NYAP2: variants seen among roughly 807,000 people sequenced by gnomAD.
The protein encoded by NYAP2 is neuronal tyrosine-phosphorylated phosphoinositide-3-kinase adapter 2.
Under a neutral mutation model 50.4 loss-of-function variants are expected in NYAP2, and 23 were observed. The ratio of observed to expected loss-of-function variants is 0.46; its 90% confidence interval spans 0.33 to 0.65. NYAP2 has a LOEUF of 0.65. Among genes scored for constraint, NYAP2 ranks in the 30% least tolerant of loss-of-function variants. The pLI, the probability that NYAP2 is intolerant of heterozygous loss-of-function variation, is 0.02. For missense variants in NYAP2, 885 were observed against 861.0 expected, an observed-to-expected ratio of 1.03 and a Z score of -0.35; for synonymous variants, 394 against 365.2, an observed-to-expected ratio of 1.08 and a Z score of -0.90.
At chr2:225,564,407 A>G (rs1574680469) in intron 4 of NYAP2, among the ~76,000 whole-genome samples, 1 of 151,934 alleles carries the variant, frequency 6.6e-6, no homozygotes, top group Non-Finnish European at 1.5e-5. Context: ...TCAGAACCAA[A>G]AAATACCAGT....
At chr2:225,645,973 T>A (rs1382216346) in intron 6 of NYAP2, among the ~76,000 whole-genome samples, 1 of 152,238 alleles carries the variant, frequency 6.6e-6, no homozygotes, top group Non-Finnish European at 1.5e-5. Flanking sequence ...ATAATTCTTT[T>A]GGTCAAGTTA....
chr2:225,512,242 T>G (rs1446489280), intron 3 of NYAP2, among the ~76,000 whole-genome samples: 1 of 152,198 alleles, frequency 6.6e-6, no homozygotes, highest in African/African-American at 2.4e-5. Flanking sequence ...ATGTAAAACT[T>G]AAGAACCTTA....
At chr2:225,417,486 A>G (rs968523245) in intron 3 of NYAP2, among the ~76,000 whole-genome samples, 1 of 152,156 alleles carries the variant, frequency 6.6e-6, no homozygotes, top group Non-Finnish European at 1.5e-5. Context: ...TCCATACTGG[A>G]ATGTAAATAT....
chr2:225,640,058 A>G (rs1432390361), intron 6 of NYAP2, among the ~76,000 whole-genome samples: 1 of 152,200 alleles, frequency 6.6e-6, no homozygotes, highest in African/African-American at 2.4e-5. Context: ...ACAGGAAGCC[A>G]TTTATGGATT....
chr2:225,499,040 A>G (rs1172377003), intron 3 of NYAP2, among the ~76,000 whole-genome samples: 1 of 151,772 alleles, frequency 6.6e-6, no homozygotes, highest in African/African-American at 2.4e-5. Context: ...AAAAATTGAT[A>G]TTTGTCAAAG....
rs147250799 is a variant in NYAP2, at chr2:225,454,808, C to T, written c.221+45707C>T. ...CCATCTGTGGAAAAAGTGTCTTCCGCGAAACCAGTCCCTGGTGCCAAAAAG... is the reference window on the plus strand; with the variant it reads ...CCATCTGTGGAAAAAGTGTCTTCCGTGAAACCAGTCCCTGGTGCCAAAAAG... On this transcript the variant is annotated intron_variant, in intron 3 of 6. Transcript: ENST00000636099. Among the ~76,000 whole-genome samples the T allele has an allele frequency of 1.8e-3, 269 of 152,188 alleles. 3 individuals carry two copies. Among genetic ancestry groups the T allele is most frequent in the African/African-American group, 6.0e-3 (251 of 41,512 alleles).
intron 4 of NYAP2, among the ~76,000 whole-genome samples, chr2:225,554,307 C>T (rs1467092582): frequency 6.7e-6 from 1 of 148,248 alleles, no homozygotes; most frequent in Non-Finnish European, 1.5e-5. Context: ...AAACTGTCAT[C>T]AGAAAACATT....
chr2:225,423,991 C>G (rs575290573), intron 3 of NYAP2, among the ~76,000 whole-genome samples: 12 of 152,056 alleles, frequency 7.9e-5, no homozygotes, highest in Non-Finnish European at 1.3e-4. Context: ...TACTTTATTT[C>G]TCATGTTGAT....
At chr2:225,404,074 T>A (rs1694902669) in intron 2 of NYAP2, among the ~76,000 whole-genome samples, 1 of 151,994 alleles carries the variant, frequency 6.6e-6, no homozygotes, top group South Asian at 2.1e-4. Flanking sequence ...CTTGGGGAAC[T>A]CAATCTTGAT....
At chr2:225,497,950 C>G (rs1306266648) in intron 3 of NYAP2, among the ~76,000 whole-genome samples, 1 of 152,082 alleles carries the variant, frequency 6.6e-6, no homozygotes, top group Non-Finnish European at 1.5e-5. Context: ...TTCACTTTAT[C>G]TCTTTACTCC....
intron 3 of NYAP2, among the ~76,000 whole-genome samples, chr2:225,482,408 C>G (rs1046184631): frequency 6.6e-6 from 1 of 152,082 alleles, no homozygotes; most frequent in African/African-American, 2.4e-5. Context: ...CAGTGTTTCC[C>G]TTAGTCTTAG....
chr2:225,604,656 A>G (rs1692754082), intron 5 of NYAP2, among the ~76,000 whole-genome samples: 1 of 151,790 alleles, frequency 6.6e-6, no homozygotes, highest in South Asian at 2.1e-4. Flanking sequence ...GAGGAAAAAA[A>G]TCAAATCTGG....
chr2:225,616,011 C>T (rs1303507107), intron 5 of NYAP2, among the ~76,000 whole-genome samples: 2 of 152,106 alleles, frequency 1.3e-5, no homozygotes, highest in Non-Finnish European at 2.9e-5. Context: ...GCTGTTTGTG[C>T]GATCTTGGGC....
intron 3 of NYAP2, among the ~76,000 whole-genome samples, chr2:225,496,080 T>C (rs552020095): frequency 2.0e-5 from 3 of 152,214 alleles, no homozygotes; most frequent in African/African-American, 7.2e-5. Context: ...GAAGACAAGA[T>C]TTACAGCAAT....
At chr2:225,477,594 T>TGGCATATTTTTTAAGTA (rs1448475708) in intron 3 of NYAP2, among the ~76,000 whole-genome samples, 2 of 152,152 alleles carry the variant, frequency 1.3e-5, no homozygotes, top group Non-Finnish European at 2.9e-5. Flanking sequence ...TCTCTGGACC[T>TGGCATATTTTTTAAGTA]AACTTTGAAT....
At chr2:225,452,265 C>A (rs1215892190) in intron 3 of NYAP2, among the ~76,000 whole-genome samples, 2 of 152,166 alleles carry the variant, frequency 1.3e-5, no homozygotes, top group Non-Finnish European at 2.9e-5. Context: ...CCTTAAGAAG[C>A]TGTTGTGGGC....
chr2:225,543,143 T>A (rs1178488745), intron 4 of NYAP2, among the ~76,000 whole-genome samples: 1 of 151,972 alleles, frequency 6.6e-6, no homozygotes, highest in Non-Finnish European at 1.5e-5. Flanking sequence ...TTTATTTGGG[T>A]CATCTCTTTT....
intron 3 of NYAP2, among the ~76,000 whole-genome samples, chr2:225,483,274 A>C (rs1690236502): frequency 6.6e-6 from 1 of 152,212 alleles, no homozygotes; most frequent in South Asian, 2.1e-4. Context: ...TTCATGATAT[A>C]GAATGTGAGG....
intron 4 of NYAP2, among the ~76,000 whole-genome samples, chr2:225,518,550 AT>A (rs1283321710): frequency 0.058 from 4,675 of 80,892 alleles, 761 homozygotes; most frequent in African/African-American, 0.13. Context: ...ATATATATAT[AT>A]ATATATATAT....
Sources: allele counts gnomAD v4.1 joint callset (sites outside exome capture counted in the v4.1 genomes callset), GRCh38; gene constraint gnomAD v4.1.1; transcripts MANE v1.5; gene names NCBI Gene and HGNC (gene_info 2026-07-23, HGNC 2026-07-21).